XPR1: variants seen among roughly 807,000 people sequenced by gnomAD.
XPR1 encodes solute carrier family 53 member 1.
XPR1 carries 28 observed loss-of-function variants against 87.5 expected under a neutral mutation model. That is an observed-to-expected ratio of 0.32 (90% CI 0.24 to 0.44). The LOEUF (loss-of-function observed/expected upper bound fraction) is 0.44. Ranked by LOEUF, XPR1 falls within the 20% of genes least tolerant of loss-of-function variation. The probability of loss-of-function intolerance (pLI) is 1.00; values close to 1 mark genes in which losing one functional copy is unlikely to be tolerated. For missense variants in XPR1, 559 were observed against 862.3 expected (o/e 0.65, Z 4.41); for synonymous variants, 300 against 306.1 (o/e 0.98, Z 0.21).
chr1:180,732,504 AT>A, intron 2 of XPR1, among the ~76,000 whole-genome samples: 1 of 152,272 alleles, frequency 6.6e-6, no homozygotes, highest in African/African-American at 2.4e-5. Flanking sequence ...TTGATGTGTG[AT>A]TTTTGACAAA....
intron 3 of XPR1, among the ~76,000 whole-genome samples, chr1:180,794,411 AT>A (rs1320355813): frequency 6.6e-6 from 1 of 152,236 alleles, no homozygotes; most frequent in Non-Finnish European, 1.5e-5. Context: ...CATCACAGGC[AT>A]TTTTTAAAAA....
At chr1:180,774,325 A>G (rs1648625722) in intron 2 of XPR1, among the ~76,000 whole-genome samples, 1 of 151,860 alleles carries the variant, frequency 6.6e-6, no homozygotes, top group Non-Finnish European at 1.5e-5. Context: ...TTAACAAAGG[A>G]TAACCCATAT....
chr1:180,757,091 C>A (rs184723708), intron 2 of XPR1, among the ~76,000 whole-genome samples: 3 of 152,318 alleles, frequency 2.0e-5, no homozygotes, highest in East Asian at 3.9e-4. Flanking sequence ...AGTATTAATT[C>A]ATCAACTTTA....
At position 180,889,042 on chromosome 1, in the gene XPR1, C is replaced by G. The variant is rs1280343224; in HGVS notation, c.*4976C>G. ...CTTGTATGAATTATCAAAACTGATA[C>G]TGAGTTGCCCCTAGAAAACAGCCTT... is the stretch of plus-strand genomic sequence containing the variant. On this transcript the variant is annotated 3_prime_UTR_variant, in exon 15 of 15. Transcript: ENST00000367590. 6.6e-6 allele frequency: 1 copy of G among 152,196 alleles called. No homozygotes were observed. Among genetic ancestry groups the G allele is most frequent in the Admixed American group, 6.5e-5 (1 of 15,284 alleles). The allele number at this position is 152,196 out of a possible 1,614,324, so 9.4% of individuals were successfully genotyped here.
At position 180,839,996 on chromosome 1, in the gene XPR1, G is replaced by A. The variant is rs577972334; in HGVS notation, c.1501+3280G>A. ...CCCAGCACTTTGGGAGGCCGAGGCG[G>A]GTGGATCATGAGGTCAGGAGATCGA... is the stretch of plus-strand genomic sequence containing the variant. On this transcript the variant is annotated intron_variant, in intron 11 of 14. Coordinates refer to ENST00000367590, the MANE Select transcript of XPR1 (RefSeq NM_004736.4). Among the ~76,000 whole-genome samples the A allele has an allele frequency of 5.3e-3, 809 of 151,926 alleles. 10 individuals carry two copies. Among genetic ancestry groups the A allele is most frequent in the African/African-American group, 0.019 (778 of 41,428 alleles).
At position 180,752,732 on chromosome 1, in the gene XPR1, G is replaced by A. The variant is rs573317125; in HGVS notation, c.122-35021G>A. 6.6e-5 allele frequency among the ~76,000 whole-genome samples: 10 copies of A among 152,018 alleles called. No individual in the cohort carries two copies. The South Asian group carries it at 2.1e-3, about 32-fold the overall frequency. On this transcript the variant is annotated intron_variant, in intron 2 of 14. Transcript: ENST00000367590. ...ATAGCTGTACCTCTGGAATGTTTTG[G>A]TTGTACAGTAAAATTGAACATTTGG...
At chr1:180,854,483 G>A (rs963991822) in intron 11 of XPR1, among the ~76,000 whole-genome samples, 1 of 152,202 alleles carries the variant, frequency 6.6e-6, no homozygotes, top group African/African-American at 2.4e-5. Context: ...TCGGCTCTTT[G>A]TGTCAAAAGG....
chr1:180,791,243 T>A (rs962839459), intron 3 of XPR1, among the ~76,000 whole-genome samples: 1 of 152,178 alleles, frequency 6.6e-6, no homozygotes, highest in Non-Finnish European at 1.5e-5. Flanking sequence ...AAGAAAAATA[T>A]CTACTCTTGG....
At chr1:180,673,034 A>G (rs1256767092) in intron 1 of XPR1, among the ~76,000 whole-genome samples, 1 of 152,182 alleles carries the variant, frequency 6.6e-6, no homozygotes, top group African/African-American at 2.4e-5. Context: ...AATGAGAGCA[A>G]CATAACAGTA....
At chr1:180,704,742 A>C (rs184532217) in intron 2 of XPR1, among the ~76,000 whole-genome samples, 1 of 149,680 alleles carries the variant, frequency 6.7e-6, no homozygotes, top group East Asian at 1.9e-4. Flanking sequence ...ATATTACAAA[A>C]ATTTCCAGAC....
At chr1:180,838,147 T>A (rs1278593316) in intron 11 of XPR1, among the ~76,000 whole-genome samples, 2 of 152,152 alleles carry the variant, frequency 1.3e-5, no homozygotes, top group East Asian at 3.8e-4. Context: ...ATTTGGTATG[T>A]CATGTGTATT....
intron 2 of XPR1, among the ~76,000 whole-genome samples, chr1:180,718,828 C>T (rs1380361356): frequency 1.3e-5 from 2 of 152,078 alleles, no homozygotes; most frequent in Non-Finnish European, 2.9e-5. Context: ...ACCACCACAG[C>T]TGGCTAATTT....
At chr1:180,710,906 C>T (rs890678346) in intron 2 of XPR1, among the ~76,000 whole-genome samples, 24 of 151,212 alleles carry the variant, frequency 1.6e-4, no homozygotes, top group Non-Finnish European at 2.7e-4. Flanking sequence ...GGGCGGCTGC[C>T]GGGCGGAGAC....
rs375777214 is a variant in XPR1 at position 180,863,693 on chromosome 1, C to A, written c.1502-15C>A. The A allele has an allele frequency of 9.1e-6, 14 of 1,540,900 alleles. No individual in the cohort carries two copies. The Admixed American group carries it at 2.0e-4, about 22-fold the overall frequency. On this transcript the variant is annotated splice_polypyrimidine_tract_variant and intron_variant, in intron 11 of 14. Coordinates refer to ENST00000367590, the MANE Select transcript of XPR1 (RefSeq NM_004736.4). ...TAGTAATTTTCTCTTTTCTCTTTCCCTCTTCTTTCTTCAGAACGAGGTCAC... is the reference window on the plus strand; with the variant it reads ...TAGTAATTTTCTCTTTTCTCTTTCCATCTTCTTTCTTCAGAACGAGGTCAC...
intron 11 of XPR1, among the ~76,000 whole-genome samples, chr1:180,851,770 T>C (rs753490264): frequency 6.6e-6 from 1 of 152,066 alleles, no homozygotes; most frequent in Non-Finnish European, 1.5e-5. Flanking sequence ...AGAAGAAAAG[T>C]TGCTAAACTC....
intron 1 of XPR1, among the ~76,000 whole-genome samples, chr1:180,644,446 G>C (rs1276970154): frequency 6.8e-6 from 1 of 147,684 alleles, no homozygotes; most frequent in African/African-American, 2.5e-5. Context: ...TACTGATACT[G>C]GTCTGTGACT....
Position 180,886,694 on chromosome 1 carries a change from AAAG to A in XPR1, c.*2630_*2632del, listed in dbSNP as rs1475444627. The A allele has an allele frequency of 2.0e-4, 31 of 152,352 alleles. No individual in the cohort carries two copies. Among genetic ancestry groups the A allele is most frequent in the Admixed American group, 2.0e-3 (30 of 15,302 alleles). 9.4% of individuals were successfully genotyped at this position (152,352 alleles called of 1,614,324 possible). ...TGTTCCTCTTAAAGCTGTAAAGAGAAAAGAGGACTTTTCCTCATCAAGAGAGCT... is the reference window on the plus strand; with the variant it reads ...TGTTCCTCTTAAAGCTGTAAAGAGAAAGGACTTTTCCTCATCAAGAGAGCT... On this transcript the variant is annotated 3_prime_UTR_variant, in exon 15 of 15. Transcript: ENST00000367590.
intron 1 of XPR1, among the ~76,000 whole-genome samples, chr1:180,637,935 TCTGCC>T (rs1392895781): frequency 6.6e-6 from 1 of 152,238 alleles, no homozygotes; most frequent in Admixed American, 6.5e-5. Context: ...TTATGAGTAT[TCTGCC>T]TTTGTAAGGT....
At chr1:180,667,610 C>T (rs1350561929) in intron 1 of XPR1, among the ~76,000 whole-genome samples, 1 of 152,058 alleles carries the variant, frequency 6.6e-6, no homozygotes, top group African/African-American at 2.4e-5. Flanking sequence ...GTAATACTGG[C>T]CTCATAGCAT....
Sources: gnomAD v4.1 joint callset for allele counts (sites outside exome capture counted in the v4.1 genomes callset) on GRCh38, gnomAD v4.1.1 for gene constraint, MANE v1.5 for transcripts, NCBI Gene and HGNC (gene_info 2026-07-23, HGNC 2026-07-21) for gene names.